Variants in DISC1 observed in about 807,000 individuals in gnomAD.
DISC1 encodes the protein disrupted in schizophrenia 1 protein.
Under a neutral mutation model 84.5 loss-of-function variants are expected in DISC1, and 57 were observed. The ratio of observed to expected loss-of-function variants is 0.67; its 90% confidence interval spans 0.55 to 0.84. The LOEUF (loss-of-function observed/expected upper bound fraction) is 0.84. Among genes scored for constraint, DISC1 ranks in the 40% least tolerant of loss-of-function variants. DISC1 has a pLI of 0.00. For missense variants in DISC1, 1,000 were observed against 1,057.8 expected (o/e 0.95, Z 0.76); for synonymous variants, 411 against 415.2 (o/e 0.99, Z 0.12).
intron 10 of DISC1, among the ~76,000 whole-genome samples, chr1:231,967,695 GAAATGC>G (rs1240161677): frequency 7.2e-5 from 11 of 152,106 alleles, no homozygotes; most frequent in African/African-American, 2.7e-4. Flanking sequence ...TTATCAGTTT[GAAATGC>G]AAACTGTAAG....
intron 9 of DISC1, among the ~76,000 whole-genome samples, chr1:231,916,337 T>C (rs917771020): frequency 6.6e-6 from 1 of 152,180 alleles, no homozygotes; most frequent in Non-Finnish European, 1.5e-5. Context: ...GATATTACAC[T>C]TTTTTTCTTT....
intron 9 of DISC1, among the ~76,000 whole-genome samples, chr1:231,858,241 C>G (rs768729281): frequency 2.6e-5 from 4 of 152,230 alleles, no homozygotes; most frequent in Non-Finnish European, 4.4e-5. Context: ...AGCCATGGCT[C>G]TCTTCCCTGG....
rs576291649 is a variant in DISC1, at chr1:231,649,676, T to A, written c.67+22742T>A. Among the ~76,000 whole-genome samples, 19 of 152,302 alleles carry A rather than the reference T, an allele frequency of 1.2e-4. 1 individual carries two copies. The highest frequency in any genetic ancestry group is 4.6e-4 in the African/African-American group (19 of 41,568). On this transcript the variant is annotated intron_variant, in intron 1 of 12. Coordinates refer to ENST00000439617, the MANE Select transcript of DISC1 (RefSeq NM_018662.3). ...CGGGGTGTTAAAAGTCTCCCATTAT[T>A]ATTGTGTGGGAGTCTAAGTCTCTTT...
At chr1:231,726,103 A>G (rs2070648960) in intron 3 of DISC1, among the ~76,000 whole-genome samples, 1 of 152,134 alleles carries the variant, frequency 6.6e-6, no homozygotes, top group South Asian at 2.1e-4. Context: ...AGATAAAAAG[A>G]TATGTTTAGA....
At chr1:231,968,667 C>G (rs1004226804) in intron 10 of DISC1, among the ~76,000 whole-genome samples, 7 of 151,922 alleles carry the variant, frequency 4.6e-5, no homozygotes, top group African/African-American at 1.7e-4. Flanking sequence ...TTCTGTTTCC[C>G]TATGTAATGA....
chr1:231,714,676 A>C (rs930930011), intron 3 of DISC1, among the ~76,000 whole-genome samples: 2 of 151,532 alleles, frequency 1.3e-5, no homozygotes, highest in Non-Finnish European at 2.9e-5. Flanking sequence ...AGACAGGCAG[A>C]GAAGAGAGAC....
At chr1:231,772,970 C>G (rs993723606) in intron 6 of DISC1, among the ~76,000 whole-genome samples, 4 of 152,180 alleles carry the variant, frequency 2.6e-5, no homozygotes, top group African/African-American at 7.2e-5. Context: ...ACAGCTTGTT[C>G]TCTCCCACCT....
chr1:231,948,469 C>A (rs528552101), intron 9 of DISC1, among the ~76,000 whole-genome samples: 141 of 151,908 alleles, frequency 9.3e-4, no homozygotes, highest in African/African-American at 3.2e-3. Context: ...GTGGGGGGCT[C>A]GGGAAGGGAT....
At chr1:231,704,838 G>C (rs1288230495) in intron 3 of DISC1, among the ~76,000 whole-genome samples, 2 of 143,808 alleles carry the variant, frequency 1.4e-5, no homozygotes, top group African/African-American at 5.1e-5. Flanking sequence ...CATTTCTAAT[G>C]ATCTCCCAAA....
intron 8 of DISC1, among the ~76,000 whole-genome samples, chr1:231,803,572 A>T (rs1372962629): frequency 6.6e-6 from 1 of 152,142 alleles, no homozygotes. Flanking sequence ...CCTTGCCACA[A>T]GAGCTGTGCC....
Position 232,009,479 on chromosome 1 carries a change from A to T in DISC1, c.2307+430A>T. Reference sequence around the variant, plus strand: ...ATGTTTATATATTTAGAATCTATATATTACAATATATTATTATTTATTTGA... The same window carrying T: ...ATGTTTATATATTTAGAATCTATATTTTACAATATATTATTATTTATTTGA... On this transcript the variant is annotated intron_variant, in intron 11 of 12. Coordinates refer to ENST00000439617, the MANE Select transcript of DISC1 (RefSeq NM_018662.3). The surrounding 1 kb of genome is among the most constrained non-coding windows in gnomAD (Gnocchi z 4.6). The T allele has an allele frequency of 1.6e-6, 1 of 630,616 alleles. No homozygotes were observed. The highest frequency in any genetic ancestry group is 2.0e-6 in the Non-Finnish European group (1 of 507,306). 39.1% of individuals were successfully genotyped at this position (630,616 alleles called of 1,614,324 possible). A position where few individuals can be genotyped will look rare whatever the true frequency, so the allele number is the denominator to read the frequency against.
At chr1:231,707,734 AGAT>A (rs2124974492) in intron 3 of DISC1, among the ~76,000 whole-genome samples, 1 of 152,324 alleles carries the variant, frequency 6.6e-6, no homozygotes, top group South Asian at 2.1e-4. Context: ...TTGTTTTATT[AGAT>A]AGCTGCTGCT....
rs529966460 is a variant in DISC1 at position 231,721,051 on chromosome 1, C to T, written c.1117+19027C>T. 1.8e-4 allele frequency: 227 copies of T among 1,290,922 alleles called. 7 individuals are homozygous for T. In the South Asian group the frequency reaches 2.7e-3, roughly 15 times the overall value. 80.0% of individuals were successfully genotyped at this position (1,290,922 alleles called of 1,614,324 possible). On this transcript the variant is annotated intron_variant, in intron 3 of 12. Coordinates refer to ENST00000439617, the MANE Select transcript of DISC1 (RefSeq NM_018662.3). ...ATGGGCATGCCATTCTGGAACTTTT[C>T]CCAGCTTTTTTCCAGAGCCAGGTCT...
chr1:231,646,148 C>G (rs1433415358), intron 1 of DISC1, among the ~76,000 whole-genome samples: 2 of 151,744 alleles, frequency 1.3e-5, no homozygotes, highest in Non-Finnish European at 2.9e-5. Context: ...TGCTATCCCT[C>G]CCCACTCCCC....
chr1:231,798,714 G>A (rs2078963288), intron 7 of DISC1, among the ~76,000 whole-genome samples: 1 of 152,140 alleles, frequency 6.6e-6, no homozygotes, highest in African/African-American at 2.4e-5. Context: ...ACATGCGGAT[G>A]CCCAACATCA....
intron 7 of DISC1, among the ~76,000 whole-genome samples, chr1:231,797,820 A>G (rs1399240168): frequency 6.6e-6 from 1 of 152,162 alleles, no homozygotes; most frequent in Non-Finnish European, 1.5e-5. Context: ...TAAAAGCCCC[A>G]TTTGATAATG....
At chr1:231,869,705 C>T (rs539343554) in intron 9 of DISC1, among the ~76,000 whole-genome samples, 1 of 152,148 alleles carries the variant, frequency 6.6e-6, no homozygotes, top group East Asian at 1.9e-4. Flanking sequence ...TCAAGGGTGA[C>T]CTGCACCTAT....
At chr1:231,642,022 C>T (rs939184922) in intron 1 of DISC1, among the ~76,000 whole-genome samples, 12 of 152,188 alleles carry the variant, frequency 7.9e-5, no homozygotes, top group Admixed American at 2.0e-4. Context: ...CGGGGAGGCT[C>T]GGGCTGCACA....
At chr1:231,821,889 C>T (rs1343617329) in intron 9 of DISC1, among the ~76,000 whole-genome samples, 1 of 151,812 alleles carries the variant, frequency 6.6e-6, no homozygotes, top group Non-Finnish European at 1.5e-5. Context: ...TTAGTAGTGA[C>T]GGGGTTTCAC....
Sources: gnomAD v4.1 joint callset for allele counts (sites outside exome capture counted in the v4.1 genomes callset) on GRCh38, gnomAD v4.1.1 for gene constraint, Gnocchi (gnomAD v3.1) non-coding constraint, MANE v1.5 for transcripts, NCBI Gene and HGNC (gene_info 2026-07-23, HGNC 2026-07-21) for gene names.